The following C1orf21 variants were observed in gnomAD, a reference collection of about 807,000 sequenced individuals.
The protein encoded by C1orf21 is chromosome 1 open reading frame 21.
In C1orf21, 3 loss-of-function variants were observed where a neutral mutation model predicts 18.7. The ratio of observed to expected loss-of-function variants is 0.16; its 90% CI spans 0.07 to 0.42. C1orf21 has a LOEUF of 0.42. Ranked by LOEUF, C1orf21 falls within the 10% of genes least tolerant of loss-of-function variation. C1orf21 has a pLI of 0.99. For synonymous variants in C1orf21, 41 were observed against 46.4 expected, an observed-to-expected ratio of 0.88 and a Z score of 0.47; for missense variants, 104 against 143.6, an observed-to-expected ratio of 0.72 and a Z score of 1.41.
At position 184,627,408 on chromosome 1, in the gene C1orf21, A is replaced by C. The variant is rs113799434; in HGVS notation, c.*7852A>C. On this transcript the variant is annotated 3_prime_UTR_variant, in exon 6 of 6. Coordinates refer to ENST00000235307, the MANE Select transcript of C1orf21 (RefSeq NM_030806.4). ...CCAACACTGTTTCCAGAAACTCAAGAAAAAGCTCAAACAGAAGACAGTTCC... is the reference window on the plus strand; with the variant it reads ...CCAACACTGTTTCCAGAAACTCAAGCAAAAGCTCAAACAGAAGACAGTTCC... 3.7e-4 allele frequency: 57 copies of C among 152,274 alleles called. No homozygotes were observed. The highest frequency in any genetic ancestry group is 1.3e-3 in the African/African-American group (56 of 41,530). The allele number at this position is 152,274 out of a possible 1,614,324, so 9.4% of individuals were successfully genotyped here. A position where few individuals can be genotyped will look rare whatever the true frequency, so the allele number is the denominator to read the frequency against.
intron 1 of C1orf21, among the ~76,000 whole-genome samples, chr1:184,405,630 C>T (rs1002686938): frequency 3.3e-5 from 5 of 152,168 alleles, no homozygotes; most frequent in African/African-American, 4.8e-5. Flanking sequence ...AGGGAGCATT[C>T]AAATGAGCAT....
intron 2 of C1orf21, 101 bp from the exon 3 acceptor site, chr1:184,507,487 T>C (rs9633308): frequency 0.47 from 455,598 of 971,278 alleles, 111,142 homozygotes; most frequent in African/African-American, 0.79. Context: ...AGGCCACAGG[T>C]GAAAGGGTCT....
At chr1:184,446,453 C>T (rs1571361571) in intron 1 of C1orf21, among the ~76,000 whole-genome samples, 1 of 151,914 alleles carries the variant, frequency 6.6e-6, no homozygotes, top group East Asian at 1.9e-4. Context: ...TTATTCTTGC[C>T]AAAATATTGA....
chr1:184,508,279 A>G (rs1279950776), intron 3 of C1orf21, among the ~76,000 whole-genome samples: 1 of 152,188 alleles, frequency 6.6e-6, no homozygotes, highest in Non-Finnish European at 1.5e-5. Context: ...ATTCCATCTT[A>G]ACATCCCATA....
chr1:184,499,150 TTCC>T (rs1380647829), intron 2 of C1orf21, among the ~76,000 whole-genome samples: 1 of 151,908 alleles, frequency 6.6e-6, no homozygotes, highest in African/African-American at 2.4e-5. Flanking sequence ...CCTCCTCCCC[TTCC>T]TCCTCCTCCT....
At chr1:184,466,231 A>T (rs768500285) in intron 1 of C1orf21, among the ~76,000 whole-genome samples, 4 of 152,238 alleles carry the variant, frequency 2.6e-5, no homozygotes, top group Non-Finnish European at 4.4e-5. Flanking sequence ...AGGTTAAGGA[A>T]GAGCATCTTG....
chr1:184,502,418 A>G (rs2101961408), intron 2 of C1orf21, among the ~76,000 whole-genome samples: 1 of 152,336 alleles, frequency 6.6e-6, no homozygotes, highest in South Asian at 2.1e-4. Flanking sequence ...ATTAAATTCA[A>G]CATGAATTTT....
chr1:184,507,704 TAAC>T (rs1457551436), intron 3 of C1orf21, 22 bp downstream of exon 3: 5 of 1,557,604 alleles, frequency 3.2e-6, no homozygotes, highest in Non-Finnish European at 4.3e-6. Context: ...TTTTCTCACT[TAAC>T]AATGAATTTT....
intron 1 of C1orf21, among the ~76,000 whole-genome samples, chr1:184,438,052 C>G (rs553748655): frequency 6.6e-6 from 1 of 152,262 alleles, no homozygotes; most frequent in South Asian, 2.1e-4. Context: ...CTTTGCTTTT[C>G]TCACCCACCA....
At chr1:184,619,351 G>T (rs1281962497) in intron 5 of C1orf21, among the ~76,000 whole-genome samples, 167 bp from the exon 6 acceptor site, 1 of 152,120 alleles carries the variant, frequency 6.6e-6, no homozygotes, top group Non-Finnish European at 1.5e-5. Flanking sequence ...TTATAAATTG[G>T]CTAACATGTA....
At chr1:184,524,964 G>A (rs993523348) in intron 3 of C1orf21, among the ~76,000 whole-genome samples, 3 of 151,982 alleles carry the variant, frequency 2.0e-5, no homozygotes, top group African/African-American at 7.3e-5. Context: ...AGTCTGAGGA[G>A]TACATTGAGA....
intron 1 of C1orf21, among the ~76,000 whole-genome samples, chr1:184,403,334 A>G (rs1656194359): frequency 6.6e-6 from 1 of 152,266 alleles, no homozygotes; most frequent in Non-Finnish European, 1.5e-5. Flanking sequence ...GCAAAATAGA[A>G]GACTAATACA....
intron 3 of C1orf21, among the ~76,000 whole-genome samples, chr1:184,569,521 A>G (rs1333835567): frequency 1.3e-5 from 2 of 152,232 alleles, no homozygotes; most frequent in Non-Finnish European, 2.9e-5. Context: ...TTCAAATAAA[A>G]TTACCTAAAT....
intron 1 of C1orf21, among the ~76,000 whole-genome samples, chr1:184,411,093 A>G (rs1042763510): frequency 2.0e-5 from 3 of 152,132 alleles, no homozygotes; most frequent in Admixed American, 6.5e-5. Context: ...TTGTTTAAAC[A>G]GGAACATATG....
intron 2 of C1orf21, among the ~76,000 whole-genome samples, chr1:184,487,925 G>A (rs957611046): frequency 2.6e-5 from 4 of 152,204 alleles, no homozygotes. Context: ...CACATGATAA[G>A]CACTGAGTTA....
At chr1:184,397,884 G>T (rs1404271114) in intron 1 of C1orf21, among the ~76,000 whole-genome samples, 1 of 152,182 alleles carries the variant, frequency 6.6e-6, no homozygotes, top group Non-Finnish European at 1.5e-5. Context: ...GCCATCAATT[G>T]TAAGAACACT....
At chr1:184,569,323 C>G (rs995854153) in intron 3 of C1orf21, among the ~76,000 whole-genome samples, 1 of 152,220 alleles carries the variant, frequency 6.6e-6, no homozygotes, top group African/African-American at 2.4e-5. Flanking sequence ...CCCATTGCCA[C>G]TTGCTTCTCA....
intron 5 of C1orf21, among the ~76,000 whole-genome samples, chr1:184,607,428 G>T (rs894420246): frequency 6.6e-6 from 1 of 151,970 alleles, no homozygotes; most frequent in South Asian, 2.1e-4. Context: ...AGTGCAAACC[G>T]GTAAAAACCA....
chr1:184,415,359 A>G (rs1231703841), intron 1 of C1orf21, among the ~76,000 whole-genome samples: 2 of 152,198 alleles, frequency 1.3e-5, no homozygotes, highest in Non-Finnish European at 2.9e-5. Flanking sequence ...TTCAAACTTA[A>G]GTGCACATCA....
Sources: gnomAD v4.1 joint callset for allele counts (sites outside exome capture counted in the v4.1 genomes callset) on GRCh38, gnomAD v4.1.1 for gene constraint, MANE v1.5 for transcripts, NCBI Gene and HGNC (gene_info 2026-07-23, HGNC 2026-07-21) for gene names.